MBP: variants seen among roughly 807,000 people sequenced by gnomAD.
MBP encodes myelin basic protein.
Under a neutral mutation model 35.8 loss-of-function variants are expected in MBP, and 16 were observed. The observed-to-expected ratio is 0.45, with a 90% CI of 0.30 to 0.68. MBP has a LOEUF of 0.68. Among genes scored for constraint, MBP ranks in the 30% least tolerant of loss-of-function variants. MBP has a pLI of 0.08. For missense variants in MBP, 380 were observed against 404.7 expected (o/e 0.94, Z 0.52); for synonymous variants, 143 against 159.6 (o/e 0.90, Z 0.78).
In MBP at chr18:77,105,115, A is replaced by G; in HGVS notation, c.51+96T>C. 3 of 1,055,050 alleles carry G rather than the reference A, an allele frequency of 2.8e-6. No individual in the cohort carries two copies. In the South Asian group the frequency reaches 3.9e-5, roughly 14 times the overall value. 65.4% of individuals were successfully genotyped at this position (1,055,050 alleles called of 1,614,324 possible). A position where few individuals can be genotyped will look rare whatever the true frequency, so the allele number is the denominator to read the frequency against. On this transcript the variant is annotated intron_variant, in intron 2 of 8. Coordinates refer to ENST00000355994, the MANE Select transcript of MBP (RefSeq NM_001025101.2). ...CCCAGCTGTCAGGGAAGAGTGTAGC[A>G]GCAAGAGCCCATGCCCGTAGCCTCT...
intron 2 of MBP, among the ~76,000 whole-genome samples, chr18:77,085,256 C>G (rs1975173644): frequency 6.6e-6 from 1 of 152,018 alleles, no homozygotes; most frequent in African/African-American, 2.4e-5. Context: ...ACATGTGTTT[C>G]TGTATTGAAC....
intron 2 of MBP, among the ~76,000 whole-genome samples, chr18:77,069,705 C>T (rs923322786): frequency 3.3e-5 from 5 of 152,196 alleles, no homozygotes; most frequent in African/African-American, 9.7e-5. Flanking sequence ...ATCCACTTCC[C>T]AGGCTGGTTT....
At chr18:77,056,670 T>G (rs1051354660) in intron 3 of MBP, among the ~76,000 whole-genome samples, 12 of 152,120 alleles carry the variant, frequency 7.9e-5, no homozygotes, top group African/African-American at 2.7e-4. Flanking sequence ...TTCAGCAGGG[T>G]GGAGTTCAGC....
rs1249311371 is a variant in MBP, at chr18:76,988,988, G to A, written c.682-76C>T. The A allele has an allele frequency of 4.3e-6, 6 of 1,398,934 alleles. No individual in the cohort carries two copies. In the Admixed American group the frequency reaches 1.0e-4, roughly 23 times the overall value. The allele number at this position is 1,398,934 out of a possible 1,614,324, so 86.7% of individuals were successfully genotyped here. A position where few individuals can be genotyped will look rare whatever the true frequency, so the allele number is the denominator to read the frequency against. On this transcript the variant is annotated intron_variant, in intron 5 of 8. Transcript: ENST00000355994. This position sits in a 1 kb window ranked among gnomAD's most constrained non-coding sequence, Gnocchi z 5.2. ...TCCATTTCCTAACGGGCTCCTGCCT[G>A]CTGAGGGTGGCTAGCATCCATCAGC... is the stretch of plus-strand genomic sequence containing the variant.
intron 4 of MBP, among the ~76,000 whole-genome samples, chr18:76,991,762 C>T (rs571616978): frequency 3.7e-4 from 56 of 152,330 alleles, no homozygotes; most frequent in Non-Finnish European, 7.3e-4. Flanking sequence ...CGACACAGAA[C>T]GCAGCGGAAG....
At chr18:77,078,445 T>C (rs1046096850) in intron 2 of MBP, among the ~76,000 whole-genome samples, 2 of 152,208 alleles carry the variant, frequency 1.3e-5, no homozygotes, top group African/African-American at 4.8e-5. Flanking sequence ...AGTCCTCCTG[T>C]GACAACTTCT....
At chr18:77,125,075 C>G (rs1006602496) in intron 1 of MBP, among the ~76,000 whole-genome samples, 2 of 152,174 alleles carry the variant, frequency 1.3e-5, no homozygotes, top group African/African-American at 2.4e-5. Flanking sequence ...CCTTTCTGCA[C>G]TTATATTACT....
At chr18:77,128,513 C>T (rs1977132231) in intron 1 of MBP, among the ~76,000 whole-genome samples, 1 of 130,932 alleles carries the variant, frequency 7.6e-6, no homozygotes, top group Non-Finnish European at 1.6e-5. Flanking sequence ...ACTAAGCGCA[C>T]GTGCATACCA....
intron 3 of MBP, among the ~76,000 whole-genome samples, chr18:77,034,245 C>G (rs983365754): frequency 7.2e-5 from 11 of 151,894 alleles, no homozygotes; most frequent in Admixed American, 1.3e-4. Context: ...GCCCCTGGGA[C>G]CTGAGAGTGA....
At chr18:77,132,864 A>G (rs1977332905), upstream of MBP, 1 of 151,372 alleles carries the variant, frequency 6.6e-6, no homozygotes. Flanking sequence ...CCAGGTAAAC[A>G]CAGGCCGATC....
intron 7 of MBP, chr18:76,987,481 C>G (rs919189549): frequency 6.1e-6 from 6 of 985,522 alleles, no homozygotes; most frequent in Non-Finnish European, 7.2e-6. Flanking sequence ...CATGGTCTCT[C>G]AAGTACCCTG....
chr18:76,995,530 C>T (rs541553991), intron 4 of MBP, among the ~76,000 whole-genome samples: 1 of 152,192 alleles, frequency 6.6e-6, no homozygotes, highest in East Asian at 1.9e-4. Flanking sequence ...GATAGACTCA[C>T]CCAAATCTGA....
intron 8 of MBP, chr18:76,982,962 G>A (rs1187450058): frequency 2.0e-5 from 3 of 152,166 alleles, no homozygotes; most frequent in African/African-American, 7.2e-5. Context: ...CTTATTTCAG[G>A]AAACACATGT....
At chr18:77,079,347 G>A (rs1289203907) in intron 2 of MBP, among the ~76,000 whole-genome samples, 5 of 152,222 alleles carry the variant, frequency 3.3e-5, no homozygotes, top group African/African-American at 1.2e-4. Context: ...CATGGCCACG[G>A]CCACTGTGGG....
At chr18:77,097,224 A>G (rs973407549) in intron 2 of MBP, 59 of 152,372 alleles carry the variant, frequency 3.9e-4, no homozygotes, top group African/African-American at 1.3e-3. Flanking sequence ...GTCATGGCTC[A>G]CAGATATTGG....
intron 4 of MBP, among the ~76,000 whole-genome samples, chr18:76,999,739 G>A (rs940815031): frequency 2.6e-5 from 4 of 152,012 alleles, no homozygotes; most frequent in South Asian, 4.2e-4. Flanking sequence ...GTGAGCCACC[G>A]TGAGCCACCA....
chr18:77,072,099 A>G (rs1164887168), intron 2 of MBP, among the ~76,000 whole-genome samples: 1 of 152,148 alleles, frequency 6.6e-6, no homozygotes. Flanking sequence ...TGGCACCTAC[A>G]TGCCAGCTGC....
chr18:76,993,606 T>C (rs1443754586), intron 4 of MBP, among the ~76,000 whole-genome samples: 11 of 151,240 alleles, frequency 7.3e-5, no homozygotes, highest in Non-Finnish European at 1.0e-4. Context: ...TTCTTAGTAA[T>C]CAGCAACTCC....
At chr18:77,009,827 T>C (rs980988523) in intron 4 of MBP, 2 of 1,554,106 alleles carry the variant, frequency 1.3e-6, no homozygotes, top group South Asian at 1.2e-5. Flanking sequence ...CCCCGATGGG[T>C]GAGGACCCGC....
Sources: allele counts gnomAD v4.1 joint callset (sites outside exome capture counted in the v4.1 genomes callset), GRCh38; gene constraint gnomAD v4.1.1; non-coding constraint Gnocchi (gnomAD v3.1); transcripts MANE v1.5; gene names NCBI Gene and HGNC (gene_info 2026-07-23, HGNC 2026-07-21).